Variants in CROCC2 observed in about 807,000 individuals in gnomAD.
CROCC2 encodes the protein ciliary rootlet coiled-coil protein 2.
Under a neutral mutation model 177.6 loss-of-function variants are expected in CROCC2, and 163 were observed. The observed-to-expected ratio is 0.92, with a 90% CI of 0.81 to 1.05. The LOEUF (loss-of-function observed/expected upper bound fraction) is 1.05. Ranked by LOEUF, CROCC2 falls within the 50% of genes least tolerant of loss-of-function variation. The pLI, the probability that CROCC2 is intolerant of heterozygous loss-of-function variation, is 0.00. For synonymous variants in CROCC2, 904 were observed against 787.3 expected, an observed-to-expected ratio of 1.15 and a Z score of -2.48; for missense variants, 1,929 against 1,797.8, an observed-to-expected ratio of 1.07 and a Z score of -1.32.
Position 240,925,895 on chromosome 2 carries a change from C to T in CROCC2, c.645+15C>T. The T allele has an allele frequency of 1.4e-6, 1 of 703,768 alleles. No individual in the cohort carries two copies. 43.6% of individuals were successfully genotyped at this position (703,768 alleles called of 1,614,324 possible). ...CCCAGAGACAGGTGCTCCCCCAACC[C>T]TTGCTCACCTCATGGCGGCCGCCTG... On this transcript the variant is annotated intron_variant, in intron 5 of 31. Transcript: ENST00000690015.
chr2:240,950,341 T>G lies in CROCC2; in HGVS notation c.2660T>G (p.Leu887Arg). 6.5e-7 allele frequency: 1 copy of G among 1,549,708 alleles called. No homozygotes were observed. Among genetic ancestry groups the G allele is most frequent in the African/African-American group, 1.4e-5 (1 of 73,130 alleles). ...LAQLQREKET[L>R]SLTLAEEKEV... ...CCCTTTACCTTGGCCCAGGAGACCC[T>G]GAGCCTGACCCTGGCAGAGGAGAAG... The change falls in exon 18 of 32, where the codon CTG (leucine) becomes CGG (arginine). Residue 887 changes from leucine (L) to arginine (R), a missense_variant. Transcript: ENST00000690015.
chr2:240,925,203 G>A (rs1574752467), intron 4 of CROCC2, among the ~76,000 whole-genome samples: 1 of 152,248 alleles, frequency 6.6e-6, no homozygotes, highest in African/African-American at 2.4e-5. Context: ...CCCAAGAGGA[G>A]GCTTAGGCCT....
intron 12 of CROCC2, 22 bp from the exon 13 acceptor site, chr2:240,934,893 TG>T: frequency 6.8e-7 from 1 of 1,475,930 alleles, no homozygotes; most frequent in South Asian, 1.4e-5. Flanking sequence ...GGTCCCTCCC[TG>T]GCATCCCCCT....
chr2:240,912,240 C>A, intron 1 of CROCC2, among the ~76,000 whole-genome samples: 1 of 152,206 alleles, frequency 6.6e-6, no homozygotes, highest in East Asian at 1.9e-4. Context: ...CCCTGGACAC[C>A]AGCTAGCTGT....
chr2:240,911,144 T>C (rs1445531961), intron 1 of CROCC2, among the ~76,000 whole-genome samples: 1 of 152,106 alleles, frequency 6.6e-6, no homozygotes, highest in East Asian at 1.9e-4. Flanking sequence ...AAAAATAAAA[T>C]AAATTTTTAA....
At chr2:240,948,899 C>T in intron 15 of CROCC2, 80 bp from the exon 16 acceptor site, 1 of 1,307,188 alleles carries the variant, frequency 7.7e-7, no homozygotes, top group South Asian at 1.3e-5. Flanking sequence ...GTCTCATTAA[C>T]ACCTGTGTAA....
chr2:240,931,161 G>A (rs544147003), intron 7 of CROCC2, 33 bp downstream of exon 7: 82 of 690,670 alleles, frequency 1.2e-4, no homozygotes, highest in Admixed American at 4.1e-4. Flanking sequence ...CTTGCACAGG[G>A]AGGGCCCGGG....
rs1251616356 is a variant in CROCC2, at chr2:240,932,887, G to C, written c.1230G>C (p.Glu410Asp). The C allele has an allele frequency of 2.6e-6, 4 of 1,547,264 alleles. No homozygotes were observed. The highest frequency in any genetic ancestry group is 2.0e-5 in the Admixed American group (1 of 50,800). Residue 410 changes from glutamate to aspartate, a missense_variant, in exon 9 of 32, where the codon GAG becomes GAC. Glu to Asp is a conservative substitution (Grantham distance 45, BLOSUM62 2). This residue lies in a region of CROCC2 where 1,397 missense variants were observed against 1,239.9 expected (regional missense o/e 1.13). Transcript: ENST00000690015. ...PALQAMRAAI[E>D]RRWRREQELC... ...TGCAGGCCATGCGGGCAGCCATAGA[G>C]AGGCGGTGGCGGCGGGAACAGGTGG...
chr2:240,967,645 G>A (rs1416353537), intron 26 of CROCC2, 180 bp downstream of exon 26: 1 of 924,916 alleles, frequency 1.1e-6, no homozygotes, highest in Non-Finnish European at 1.3e-6. Context: ...TGGCATCGGA[G>A]TTCTCAGCAG....
chr2:240,992,944 A>T (rs57109098), intron 31 of CROCC2, 122 bp from the exon 32 acceptor site: 80,454 of 642,144 alleles, frequency 0.13, 5,554 homozygotes, highest in South Asian at 0.18. Flanking sequence ...GAGGAACAGA[A>T]GTTCAAGGTT....
intron 26 of CROCC2, among the ~76,000 whole-genome samples, chr2:240,967,787 G>A (rs1403298420): frequency 6.6e-6 from 1 of 151,802 alleles, no homozygotes; most frequent in Non-Finnish European, 1.5e-5. Context: ...TGCCCTGGCT[G>A]TGCCCTCTGC....
intron 28 of CROCC2, among the ~76,000 whole-genome samples, chr2:240,987,162 G>A (rs1308240583): frequency 6.6e-6 from 1 of 152,208 alleles, no homozygotes; most frequent in Non-Finnish European, 1.5e-5. Flanking sequence ...GGGGGTGGAG[G>A]AGCAGGGGGC....
chr2:240,926,601 A>G (rs2059396772), intron 5 of CROCC2, among the ~76,000 whole-genome samples: 1 of 152,054 alleles, frequency 6.6e-6, no homozygotes, highest in Admixed American at 6.6e-5. Flanking sequence ...CCCCCGGAAG[A>G]TGTGCTGCGC....
intron 27 of CROCC2, among the ~76,000 whole-genome samples, chr2:240,971,743 T>G (rs1226370516): frequency 6.6e-6 from 1 of 152,172 alleles, no homozygotes; most frequent in Non-Finnish European, 1.5e-5. Context: ...CTCTTCTCTG[T>G]TCTTTTGTCC....
chr2:240,927,741 C>G (rs566194981), intron 5 of CROCC2, among the ~76,000 whole-genome samples: 93 of 152,374 alleles, frequency 6.1e-4, no homozygotes, highest in African/African-American at 2.2e-3. Context: ...ACCTCCGCCT[C>G]CCGGGTTCAA....
In CROCC2 at chr2:240,964,633, G is replaced by A. The variant is rs556409815; in HGVS notation, c.3465+8G>A. Reference sequence around the variant, plus strand: ...CGGGAACTCCACAGACAGGTAGGGCGGCAGGGAGGGGTCAACATCCAACCA... The same window carrying A: ...CGGGAACTCCACAGACAGGTAGGGCAGCAGGGAGGGGTCAACATCCAACCA... On this transcript the variant is annotated splice_region_variant and intron_variant, in intron 22 of 31. Transcript: ENST00000690015. 52 of 1,547,360 alleles carry A rather than the reference G, an allele frequency of 3.4e-5. No individual in the cohort carries two copies. Among genetic ancestry groups the A allele is most frequent in the African/African-American group, 5.5e-5 (4 of 73,102 alleles).
rs75064265 is a variant in CROCC2 at position 240,960,528 on chromosome 2, G to T, written c.3087+1084G>T. Reference sequence around the variant, plus strand: ...ACGGGGGGACGCCTGTGTGTGGCAAGGGCAGGAGGGCACGCGGATCTGGGC... The same window carrying T: ...ACGGGGGGACGCCTGTGTGTGGCAATGGCAGGAGGGCACGCGGATCTGGGC... On this transcript the variant is annotated intron_variant, in intron 20 of 31. Transcript: ENST00000690015. The surrounding 1 kb of genome is among the most constrained non-coding windows in gnomAD (Gnocchi z 5.0). Among the ~76,000 whole-genome samples, 1 of 152,168 alleles carries T rather than the reference G, an allele frequency of 6.6e-6. No homozygotes were observed. The highest frequency in any genetic ancestry group is 2.1e-4 in the South Asian group (1 of 4,824).
chr2:240,927,923 T>A (rs2059404198), intron 5 of CROCC2, among the ~76,000 whole-genome samples: 1 of 152,244 alleles, frequency 6.6e-6, no homozygotes, highest in Non-Finnish European at 1.5e-5. Flanking sequence ...AATGCTGGGA[T>A]TACAGGCATG....
Position 240,931,041 on chromosome 2 carries a change from C to T in CROCC2, c.860C>T (p.Thr287Ile), listed in dbSNP as rs1291426736. Residue 287 changes from threonine to isoleucine, a missense_variant, in exon 7 of 32, where the codon ACC (threonine) becomes ATC (isoleucine). Physicochemically the swap from Thr to Ile is moderately conservative, Grantham distance 89 (BLOSUM62 -1). Transcript: ENST00000690015. Reference sequence around the variant, plus strand: ...CTGTCGGCCAGCAGCACGGCCAGCACCCTGGGGCAGCAGCTTCGGGACAAG... The same window carrying T: ...CTGTCGGCCAGCAGCACGGCCAGCATCCTGGGGCAGCAGCTTCGGGACAAG... Reference protein sequence around the residue: ...LRLSASSTASTLGQQLRDKAG... With the variant: ...LRLSASSTASILGQQLRDKAG... 7.0e-6 allele frequency: 5 copies of T among 716,614 alleles called. No individual in the cohort carries two copies. The highest frequency in any genetic ancestry group is 1.3e-5 in the Non-Finnish European group (5 of 384,810). 44.4% of individuals were successfully genotyped at this position (716,614 alleles called of 1,614,324 possible).
Sources: gnomAD v4.1 joint callset for allele counts (sites outside exome capture counted in the v4.1 genomes callset) on GRCh38, gnomAD v4.1.1 for gene constraint, gnomAD v4.1.1 regional missense constraint, Gnocchi (gnomAD v3.1) non-coding constraint, MANE v1.5 for transcripts, NCBI Gene and HGNC (gene_info 2026-07-23, HGNC 2026-07-21) for gene names.